The following FCHO1 variants were observed in gnomAD, a reference collection of about 807,000 sequenced individuals.
FCHO1 encodes F-BAR domain only protein 1.
FCHO1 carries 45 observed loss-of-function variants against 114.4 expected under a neutral mutation model. That is an observed-to-expected ratio of 0.39 (90% confidence interval 0.31 to 0.50). The LOEUF is 0.50. Among genes scored for constraint, FCHO1 ranks in the 20% least tolerant of loss-of-function variants. The pLI, the probability that FCHO1 is intolerant of heterozygous loss-of-function variation, is 0.77. For synonymous variants in FCHO1, 480 were observed against 488.9 expected (o/e 0.98, Z 0.24); for missense variants, 1,042 against 1,209.6 (o/e 0.86, Z 2.06).
intron 13 of FCHO1, 187 bp downstream of exon 13, chr19:17,774,665 C>T (rs1477193329): frequency 2.5e-5 from 15 of 601,280 alleles, no homozygotes; most frequent in Non-Finnish European, 4.4e-5. Context: ...ATTACCGCTG[C>T]CCAAGCTAGT....
chr19:17,747,978 C>G (rs939799090), upstream of FCHO1, among the ~76,000 whole-genome samples: 1 of 152,126 alleles, frequency 6.6e-6, no homozygotes, highest in Non-Finnish European at 1.5e-5. Flanking sequence ...CCGGCTTCCC[C>G]CTCCAAGTGG....
chr19:17,786,485 G>T, intron 26 of FCHO1, 89 bp from the exon 27 acceptor site: 1 of 1,361,584 alleles, frequency 7.3e-7, no homozygotes, highest in Non-Finnish European at 1.0e-6. Context: ...GTTTGTTGGG[G>T]TCACACAGCC....
Position 17,785,885 on chromosome 19 carries a change from C to T in FCHO1, c.2427-689C>T, listed in dbSNP as rs983168211. Among the ~76,000 whole-genome samples the T allele has an allele frequency of 9.3e-5, 14 of 150,636 alleles. 1 individual carries two copies. The South Asian group carries it at 1.5e-3, about 16-fold the overall frequency. ...GTGTGCTCTTGTAGTCCCAGCTACT[C>T]GGGAGGCTGAGACAGAAGGATCACT... On this transcript the variant is annotated intron_variant, in intron 26 of 28. Transcript: ENST00000596536.
chr19:17,784,844 C>T lies in FCHO1; in HGVS notation c.2346C>T (p.Pro782=), dbSNP rs559741110. The T allele has an allele frequency of 8.7e-6, 14 of 1,613,922 alleles. No individual in the cohort carries two copies. In the South Asian group the frequency reaches 1.3e-4, roughly 15 times the overall value. The change falls in exon 26 of 29, where the codon CCC becomes CCT. Residue 782 remains proline (P), a synonymous_variant. Transcript: ENST00000596536. This position sits in a 1 kb window ranked among gnomAD's most constrained non-coding sequence, Gnocchi z 5.3. ...ACCGGCCCGGTGCCACGGCTGTGCC[C>T]ACACCACTCACGAACGTCCAGATCC... ...YGYRPGATAV[P]TPLTNVQILL...
chr19:17,778,841 C>A lies in FCHO1; in HGVS notation c.1584C>A (p.Ala528=). The A allele has an allele frequency of 6.4e-7, 1 of 1,563,142 alleles. No homozygotes were observed. Among genetic ancestry groups the A allele is most frequent in the East Asian group, 2.3e-5 (1 of 43,548 alleles). ...TGCCAGACTCGCCGCAGCCCCTCGC[C>A]TCGTCTCCAGGCCCCTGGGGGCTGG... The part of the protein sequence containing the change: ...PPLPDSPQPL[A]SSPGPWGLEA... The change falls in exon 20 of 29, where the codon GCC becomes GCA. Residue 528 remains alanine (A), a synonymous_variant. Transcript: ENST00000596536.
chr19:17,753,351 T>C (rs1357792148), intron 1 of FCHO1, among the ~76,000 whole-genome samples: 2 of 152,230 alleles, frequency 1.3e-5, no homozygotes, highest in African/African-American at 4.8e-5. Flanking sequence ...TGGGAATGTT[T>C]GTTGAAACAA....
chr19:17,768,095 A>G (rs1014337858), intron 7 of FCHO1, among the ~76,000 whole-genome samples: 2 of 151,938 alleles, frequency 1.3e-5, no homozygotes, highest in Non-Finnish European at 2.9e-5. Context: ...TGAGATGGAG[A>G]CTTGCTCTGT....
In FCHO1 at chr19:17,770,548, G is replaced by A; in HGVS notation, c.460G>A (p.Glu154Lys). 3.1e-6 allele frequency: 5 copies of A among 1,613,374 alleles called. No individual in the cohort carries two copies. The highest frequency in any genetic ancestry group is 4.2e-6 in the Non-Finnish European group (5 of 1,179,466). The change falls in exon 8 of 29, where the codon GAG (glutamate) becomes AAG (lysine). Residue 154 changes from glutamate to lysine, a missense_variant. Glu to Lys is a moderately conservative substitution (Grantham distance 56). This residue lies in a region of FCHO1 where 450 missense variants were observed against 564.1 expected (regional missense o/e 0.80). Coordinates refer to ENST00000596536, the MANE Select transcript of FCHO1 (RefSeq NM_015122.3). ...CATGGACCAGGAGCGGCTGCGGAGG[G>A]AGAGTACCAGCCAGAAGGAGATGGA... The part of the protein sequence containing the change: ...RCMDQERLRR[E>K]STSQKEMDKA...
In FCHO1 at chr19:17,784,713, C is replaced by T; in HGVS notation, c.2227-12C>T. The T allele has an allele frequency of 6.2e-7, 1 of 1,613,546 alleles. No homozygotes were observed. The highest frequency in any genetic ancestry group is 8.5e-7 in the Non-Finnish European group (1 of 1,179,708). ...CAAGCTGTGTCCTCTCTCTCATTCT[C>T]ATTCTTCCTAGTTCTCCCGCCCGGG... On this transcript the variant is annotated splice_polypyrimidine_tract_variant and intron_variant, in intron 25 of 28. Coordinates refer to ENST00000596536, the MANE Select transcript of FCHO1 (RefSeq NM_015122.3). This position sits in a 1 kb window ranked among gnomAD's most constrained non-coding sequence, Gnocchi z 5.3.
chr19:17,756,855 G>A (rs2083741047), intron 4 of FCHO1, among the ~76,000 whole-genome samples: 1 of 152,170 alleles, frequency 6.6e-6, no homozygotes, highest in South Asian at 2.1e-4. Context: ...CATGGGGGAA[G>A]TGTGAGCAGG....
intron 4 of FCHO1, 97 bp downstream of exon 4, chr19:17,755,288 A>C: frequency 8.9e-7 from 1 of 1,121,450 alleles, no homozygotes; most frequent in Admixed American, 2.1e-5. Context: ...ACAGCCTTGG[A>C]CAGGTAGAGG....
At chr19:17,771,985 G>T (rs568676183) in intron 9 of FCHO1, among the ~76,000 whole-genome samples, 1 of 151,980 alleles carries the variant, frequency 6.6e-6, no homozygotes, top group Admixed American at 6.6e-5. Flanking sequence ...GCTAATTTTT[G>T]TATTTTTAGT....
Position 17,774,455 on chromosome 19 carries a change from G to GGAGCCA in FCHO1, c.904_909dup (p.Glu302_Pro303dup). On this transcript the variant is annotated inframe_insertion, in exon 13 of 29. Coordinates refer to ENST00000596536, the MANE Select transcript of FCHO1 (RefSeq NM_015122.3). ...TTCCAGGACTAAGCCGGCGGGAGCGGGAGCCAGAGCCACCTGCAGCTGTGT... is the reference window on the plus strand; with the variant it reads ...TTCCAGGACTAAGCCGGCGGGAGCGGGAGCCAGAGCCAGAGCCACCTGCAGCTGTGT... The GGAGCCA allele has an allele frequency of 6.2e-7, 1 of 1,613,440 alleles. No homozygotes were observed. The highest frequency in any genetic ancestry group is 8.5e-7 in the Non-Finnish European group (1 of 1,179,986).
At chr19:17,783,969 A>G in intron 24 of FCHO1, 134 bp from the exon 25 acceptor site, 1 of 1,118,032 alleles carries the variant, frequency 8.9e-7, no homozygotes, top group South Asian at 1.6e-5. Context: ...CCCGCACCAC[A>G]ACCACCCAGG....
intron 26 of FCHO1, among the ~76,000 whole-genome samples, chr19:17,785,802 C>G (rs937822748): frequency 2.7e-5 from 4 of 147,746 alleles, no homozygotes; most frequent in African/African-American, 1.0e-4. Flanking sequence ...CCACTGCACT[C>G]CAGCCTGGGC....
In FCHO1 at chr19:17,761,633, C is replaced by CATATATATATATAT. The variant is rs55848959; in HGVS notation, c.28-1121_28-1108dup. Among the ~76,000 whole-genome samples, 704 of 142,658 alleles carry CATATATATATATAT rather than the reference C, an allele frequency of 4.9e-3. 3 individuals are homozygous for CATATATATATATAT. The highest frequency in any genetic ancestry group is 0.011 in the South Asian group (50 of 4,460). 93.6% of individuals were successfully genotyped at this position (142,658 alleles called of 152,430 possible). On this transcript the variant is annotated intron_variant, in intron 4 of 28. Transcript: ENST00000596536. ...AATTTGACTTCTTTTCATGTATATACATATATATATATATATATATACACA... is the reference window on the plus strand; with the variant it reads ...AATTTGACTTCTTTTCATGTATATACATATATATATATATATATATATATATATATATATACACA...
At position 17,772,531 on chromosome 19, in the gene FCHO1, G is replaced by A; in HGVS notation, c.669G>A (p.Glu223=). 1 of 1,614,126 alleles carries A rather than the reference G, an allele frequency of 6.2e-7. No homozygotes were observed. Among genetic ancestry groups the A allele is most frequent in the Non-Finnish European group, 8.5e-7 (1 of 1,180,012 alleles). The change falls in exon 10 of 29, where the codon GAG becomes GAA. Residue 223 remains glutamate, a synonymous_variant. Coordinates refer to ENST00000596536, the MANE Select transcript of FCHO1 (RefSeq NM_015122.3). ...ALLGSYAHSV[E]DTHVQIGQVH... is the part of the protein sequence containing the mutation. ...TGGGCTCATATGCTCACTCGGTGGA[G>A]GACACGCACGTGCAGATTGGGCAGG...
upstream of FCHO1, among the ~76,000 whole-genome samples, chr19:17,750,542 T>TC (rs1486178019): frequency 2.0e-5 from 3 of 151,926 alleles, no homozygotes; most frequent in Non-Finnish European, 4.4e-5. Flanking sequence ...CACTGCAACC[T>TC]CCATCTCCTG....
chr19:17,781,547 A>G lies in FCHO1; in HGVS notation c.1828+8A>G, dbSNP rs1451794578. 6.2e-7 allele frequency: 1 copy of G among 1,613,542 alleles called. No individual in the cohort carries two copies. Among genetic ancestry groups the G allele is most frequent in the East Asian group, 2.2e-5 (1 of 44,854 alleles). ...TATCCCAGACAGGACACGGTATGTG[A>G]GGGCGGTCCTGGGCCTGGCTTTGGG... On this transcript the variant is annotated splice_region_variant and intron_variant, in intron 22 of 28. Transcript: ENST00000596536.
Sources: allele counts gnomAD v4.1 joint callset (sites outside exome capture counted in the v4.1 genomes callset), GRCh38; gene constraint gnomAD v4.1.1; regional missense constraint gnomAD v4.1.1; non-coding constraint Gnocchi (gnomAD v3.1); transcripts MANE v1.5; gene names NCBI Gene and HGNC (gene_info 2026-07-23, HGNC 2026-07-21).